The following MYOT variants were observed in gnomAD, a reference collection of about 807,000 sequenced individuals.
MYOT encodes the protein myotilin.
Under a neutral mutation model 58.0 loss-of-function variants are expected in MYOT, and 36 were observed. The ratio of observed to expected loss-of-function variants is 0.62; its 90% CI spans 0.48 to 0.82. The LOEUF is 0.82. Among genes scored for constraint, MYOT ranks in the 40% least tolerant of loss-of-function variants. MYOT has a pLI of 0.00. For synonymous variants in MYOT, 218 were observed against 204.6 expected (o/e 1.07, Z -0.56); for missense variants, 505 against 592.1 (o/e 0.85, Z 1.53).
At chr5:137,869,299 T>C (rs537021399) in intron 1 of MYOT, among the ~76,000 whole-genome samples, 10 of 152,352 alleles carry the variant, frequency 6.6e-5, no homozygotes, top group African/African-American at 2.2e-4. Flanking sequence ...TATCTGATAT[T>C]TTCAATGAAA....
intron 1 of MYOT, among the ~76,000 whole-genome samples, chr5:137,869,115 G>A (rs1009235342): frequency 6.6e-6 from 1 of 151,956 alleles, no homozygotes; most frequent in Non-Finnish European, 1.5e-5. Flanking sequence ...TCTTTGGTCT[G>A]GAAAAGTTTT....
intron 7 of MYOT, 180 bp downstream of exon 7, chr5:137,883,771 T>C: frequency 1.7e-6 from 1 of 599,958 alleles, no homozygotes; most frequent in South Asian, 2.1e-5. Flanking sequence ...TACACACACA[T>C]ACATACATAT....
rs200273223 is a variant in MYOT at position 137,877,548 on chromosome 5, G to A, written c.560G>A (p.Arg187His). ...CTAACATATGAAGAGAAGATGGCTC[G>A]CAGATTGCTAGGACCACAGAATGCA... ...QRLTYEEKMA[R>H]RLLGPQNAAA... Residue 187 changes from arginine (R) to histidine (H), a missense_variant, in exon 4 of 10, where the codon CGC becomes CAC. Transcript: ENST00000239926. 20 of 1,613,518 alleles carry A rather than the reference G, an allele frequency of 1.2e-5. No homozygotes were observed. The highest frequency in any genetic ancestry group is 6.7e-5 in the African/African-American group (5 of 74,986).
In MYOT at chr5:137,875,827, A is replaced by T. The variant is rs1483961425; in HGVS notation, c.357-2A>T. On this transcript the variant is annotated splice_acceptor_variant, in intron 2 of 9. Coordinates refer to ENST00000239926, the MANE Select transcript of MYOT (RefSeq NM_006790.3). LOFTEE classifies it high-confidence loss of function. ...AAAATCTTTTCTTTTTCCTTTTTAA[A>T]GCTATCAACAGTCCTCAGCTGGCCA... is the stretch of plus-strand genomic sequence containing the variant. The T allele has an allele frequency of 1.9e-6, 3 of 1,613,916 alleles. No individual in the cohort carries two copies. The highest frequency in any genetic ancestry group is 1.7e-5 in the Admixed American group (1 of 59,998).
chr5:137,868,171 A>T (rs574091317), intron 1 of MYOT, among the ~76,000 whole-genome samples: 2 of 152,226 alleles, frequency 1.3e-5, no homozygotes, highest in African/African-American at 2.4e-5. Flanking sequence ...GCTGTGTGTC[A>T]TTATTTTTAA....
intron 7 of MYOT, among the ~76,000 whole-genome samples, chr5:137,884,477 G>T (rs1755534013): frequency 6.6e-6 from 1 of 152,148 alleles, no homozygotes; most frequent in Non-Finnish European, 1.5e-5. Context: ...AAACAGGTAT[G>T]GCTACATTTA....
intron 5 of MYOT, among the ~76,000 whole-genome samples, chr5:137,881,179 T>C (rs779929605): frequency 2.0e-5 from 3 of 152,234 alleles, no homozygotes; most frequent in Non-Finnish European, 4.4e-5. Context: ...GTACTGGGCA[T>C]TTTAATAGAC....
chr5:137,872,637 T>C (rs1755086443), intron 2 of MYOT, among the ~76,000 whole-genome samples: 1 of 152,170 alleles, frequency 6.6e-6, no homozygotes, highest in Non-Finnish European at 1.5e-5. Flanking sequence ...CCCTGGCCCT[T>C]TGAACATTTG....
At chr5:137,878,082 T>C (rs1755290299) in intron 4 of MYOT, among the ~76,000 whole-genome samples, 1 of 152,136 alleles carries the variant, frequency 6.6e-6, no homozygotes. Flanking sequence ...GTTATATTCC[T>C]GTTTTCAAAA....
rs1580864176 is a variant in MYOT, at chr5:137,883,491, C to A, written c.924C>A (p.Leu308=). Residue 308 remains leucine, a synonymous_variant, in exon 7 of 10, where the codon CTC becomes CTA. Coordinates refer to ENST00000239926, the MANE Select transcript of MYOT (RefSeq NM_006790.3). Reference sequence around the variant, plus strand: ...TGTCTGAGAAGGGTCTTCATTCACTCATCTTTGAAGTAGTCAGAGCTTCAG... The same window carrying A: ...TGTCTGAGAAGGGTCTTCATTCACTAATCTTTGAAGTAGTCAGAGCTTCAG... ...MIVSEKGLHS[L]IFEVVRASDA... is the part of the protein sequence containing the mutation. The A allele has an allele frequency of 6.2e-7, 1 of 1,614,106 alleles. No individual in the cohort carries two copies. The highest frequency in any genetic ancestry group is 1.3e-5 in the African/African-American group (1 of 75,022).
intron 2 of MYOT, among the ~76,000 whole-genome samples, chr5:137,875,199 G>A (rs989452463): frequency 2.6e-5 from 4 of 152,106 alleles, no homozygotes; most frequent in African/African-American, 7.2e-5. Context: ...GCAGCAACAC[G>A]GATGCAGCTT....
Position 137,870,635 on chromosome 5 carries a change from C to A in MYOT, c.-17C>A. Reference sequence around the variant, plus strand: ...TATAGTAATAATTTGCCTTCATCTTCCATATACCAACTAAGCATGTTTAAC... The same window carrying A: ...TATAGTAATAATTTGCCTTCATCTTACATATACCAACTAAGCATGTTTAAC... On this transcript the variant is annotated 5_prime_UTR_variant, in exon 2 of 10. Transcript: ENST00000239926. The A allele has an allele frequency of 6.2e-7, 1 of 1,605,756 alleles. No individual in the cohort carries two copies. Among genetic ancestry groups the A allele is most frequent in the Non-Finnish European group, 8.5e-7 (1 of 1,172,362 alleles).
chr5:137,875,054 T>G (rs886074760), intron 2 of MYOT, among the ~76,000 whole-genome samples: 5 of 152,202 alleles, frequency 3.3e-5, no homozygotes, highest in African/African-American at 1.2e-4. Flanking sequence ...CATGAAATCA[T>G]AGGAAGCTGG....
chr5:137,873,171 C>T (rs1755102347), intron 2 of MYOT, among the ~76,000 whole-genome samples: 1 of 151,572 alleles, frequency 6.6e-6, no homozygotes. Context: ...TTATTTAATG[C>T]TAATTCACAT....
intron 7 of MYOT, among the ~76,000 whole-genome samples, chr5:137,883,884 T>C (rs1216468021): frequency 1.3e-5 from 2 of 152,174 alleles, no homozygotes; most frequent in African/African-American, 4.8e-5. Flanking sequence ...AACCAAATAA[T>C]GAAGCATAAG....
At chr5:137,871,424 C>G (rs937119705) in intron 2 of MYOT, among the ~76,000 whole-genome samples, 5 of 152,202 alleles carry the variant, frequency 3.3e-5, no homozygotes, top group African/African-American at 9.7e-5. Context: ...AGGATTTCCT[C>G]TCACATAAGC....
Position 137,887,466 on chromosome 5 carries a change from C to G in MYOT, c.*81C>G. 4.6e-6 allele frequency: 6 copies of G among 1,307,476 alleles called. No homozygotes were observed. Among genetic ancestry groups the G allele is most frequent in the Non-Finnish European group, 6.5e-6 (6 of 916,746 alleles). The allele number at this position is 1,307,476 out of a possible 1,614,324, so 81.0% of individuals were successfully genotyped here. On this transcript the variant is annotated 3_prime_UTR_variant, in exon 10 of 10. Transcript: ENST00000239926. ...ACATTTTTTTGAAATTAATCCATAG[C>G]TGTATTAACAGATTATGGTTTTAAT...
chr5:137,880,084 T>C (rs903127199), intron 4 of MYOT, among the ~76,000 whole-genome samples: 6 of 152,322 alleles, frequency 3.9e-5, no homozygotes, highest in South Asian at 2.1e-4. Flanking sequence ...GACTGTGTTT[T>C]CCACTTTGTA....
chr5:137,873,364 TA>T (rs572041487), intron 2 of MYOT, among the ~76,000 whole-genome samples: 14 of 147,424 alleles, frequency 9.5e-5, no homozygotes, highest in Non-Finnish European at 1.2e-4. Flanking sequence ...CTGTCTCTAC[TA>T]AAAAAAAAAT....
Sources: allele counts gnomAD v4.1 joint callset (sites outside exome capture counted in the v4.1 genomes callset), GRCh38; gene constraint gnomAD v4.1.1; transcripts MANE v1.5; gene names NCBI Gene and HGNC (gene_info 2026-07-23, HGNC 2026-07-21).